The following KLF12 variants were observed in gnomAD, a reference collection of about 807,000 sequenced individuals.
KLF12 encodes Krueppel-like factor 12.
Under a neutral mutation model 37.8 loss-of-function variants are expected in KLF12, and 9 were observed. The ratio of observed to expected loss-of-function variants is 0.24; its 90% CI spans 0.14 to 0.42. The LOEUF (loss-of-function observed/expected upper bound fraction) is 0.42, where lower values mean the gene tolerates loss of function less well. Among genes scored for constraint, KLF12 ranks in the 10% least tolerant of loss-of-function variants. KLF12 has a pLI of 1.00. For synonymous variants in KLF12, 208 were observed against 202.1 expected, an observed-to-expected ratio of 1.03 and a Z score of -0.25; for missense variants, 411 against 516.0, an observed-to-expected ratio of 0.80 and a Z score of 1.97.
chr13:74,060,484 TTGTGTGTG>T (rs60242793), intron 1 of KLF12, among the ~76,000 whole-genome samples: 11,297 of 108,500 alleles, frequency 0.1, 571 homozygotes, highest in South Asian at 0.18. Flanking sequence ...TACCTAGGTT[TTGTGTGTG>T]TGTGTGTGTG....
At chr13:73,965,339 A>C (rs1165952131) in intron 2 of KLF12, among the ~76,000 whole-genome samples, 1 of 152,228 alleles carries the variant, frequency 6.6e-6, no homozygotes, top group Non-Finnish European at 1.5e-5. Context: ...AAAATATTTT[A>C]ATGTCAAGTC....
the KLF12 span, among the ~76,000 whole-genome samples, chr13:74,152,157 G>T: frequency 6.6e-6 from 1 of 152,144 alleles, no homozygotes; most frequent in East Asian, 1.9e-4. Context: ...TAGCCTGAGA[G>T]ACCACCCAAC....
At chr13:74,011,723 A>C (rs1030163664) in intron 1 of KLF12, among the ~76,000 whole-genome samples, 8 of 152,212 alleles carry the variant, frequency 5.3e-5, no homozygotes, top group African/African-American at 1.7e-4. Context: ...GTATGGGAGG[A>C]TACACATAGG....
At chr13:74,042,629 G>A (rs951242061) in intron 1 of KLF12, among the ~76,000 whole-genome samples, 7 of 152,120 alleles carry the variant, frequency 4.6e-5, no homozygotes, top group African/African-American at 7.2e-5. Flanking sequence ...TTGACTCAAC[G>A]ACTTAATGGA....
At chr13:73,935,460 G>A (rs36073697) in intron 3 of KLF12, among the ~76,000 whole-genome samples, 81 of 151,966 alleles carry the variant, frequency 5.3e-4, no homozygotes, top group Non-Finnish European at 1.1e-3. Flanking sequence ...GTTAGAGGTG[G>A]GCCTAGGGAG....
chr13:73,907,387 G>C (rs1888351970), intron 3 of KLF12, among the ~76,000 whole-genome samples: 1 of 152,018 alleles, frequency 6.6e-6, no homozygotes, highest in Non-Finnish European at 1.5e-5. Flanking sequence ...TCCACATTTA[G>C]ACTATCCTAT....
At position 73,846,350 on chromosome 13, in the gene KLF12, G is replaced by C; in HGVS notation, c.147C>G (p.Pro49=). Residue 49 remains proline, a synonymous_variant, in exon 4 of 8, where the codon CCC becomes CCG. Coordinates refer to ENST00000377669, the MANE Select transcript of KLF12 (RefSeq NM_007249.5). ...GCAACAGGGGAACGGCTTCCATATC[G>C]GGATAGTTGTGGACGTTTGGAGACT... The C allele has an allele frequency of 6.2e-7, 1 of 1,613,210 alleles. No individual in the cohort carries two copies. Among genetic ancestry groups the C allele is most frequent in the Non-Finnish European group, 8.5e-7 (1 of 1,179,782 alleles).
At chr13:73,956,334 T>C (rs1329902504) in intron 2 of KLF12, among the ~76,000 whole-genome samples, 1 of 152,170 alleles carries the variant, frequency 6.6e-6, no homozygotes, top group African/African-American at 2.4e-5. Flanking sequence ...AGAGAGTATA[T>C]TTGAGGAAGT....
chr13:73,811,126 C>T (rs1485259200), intron 5 of KLF12, among the ~76,000 whole-genome samples: 1 of 150,866 alleles, frequency 6.6e-6, no homozygotes, highest in Non-Finnish European at 1.5e-5. Flanking sequence ...ACTGGGATTA[C>T]AGGCACCCAC....
intron 6 of KLF12, among the ~76,000 whole-genome samples, chr13:73,763,022 C>T (rs1011657317): frequency 1.3e-5 from 2 of 152,278 alleles, no homozygotes; most frequent in South Asian, 4.1e-4. Flanking sequence ...TCTTTCTATG[C>T]GTGCATCAAT....
intron 4 of KLF12, among the ~76,000 whole-genome samples, chr13:73,834,914 T>C (rs759338210): frequency 2.0e-5 from 3 of 152,226 alleles, no homozygotes; most frequent in Non-Finnish European, 4.4e-5. Flanking sequence ...CAAGTTGCCA[T>C]ATATACGCTT....
At chr13:73,780,408 T>C (rs1183351050) in intron 5 of KLF12, among the ~76,000 whole-genome samples, 1 of 151,794 alleles carries the variant, frequency 6.6e-6, no homozygotes, top group Non-Finnish European at 1.5e-5. Flanking sequence ...TTCCCCCGAG[T>C]CCCCAAGTCT....
At chr13:74,130,662 C>T (rs1211716900) in intron 1 of KLF12, among the ~76,000 whole-genome samples, 2 of 148,540 alleles carry the variant, frequency 1.3e-5, no homozygotes, top group Non-Finnish European at 3.0e-5. Flanking sequence ...AAAAAAAAAG[C>T]TGTTTTCTAA....
At chr13:73,928,892 G>A (rs943045526) in intron 3 of KLF12, among the ~76,000 whole-genome samples, 13 of 152,252 alleles carry the variant, frequency 8.5e-5, no homozygotes, top group African/African-American at 2.6e-4. Flanking sequence ...TAATATAAGT[G>A]CCCAAGCACA....
the KLF12 span, among the ~76,000 whole-genome samples, chr13:74,187,122 T>C: frequency 0.11 from 16,109 of 152,134 alleles, 906 homozygotes; most frequent in South Asian, 0.15. Context: ...TGGTTAAGAT[T>C]GCAGACAACA....
At chr13:74,090,384 C>T (rs1209091052) in intron 1 of KLF12, among the ~76,000 whole-genome samples, 3 of 152,064 alleles carry the variant, frequency 2.0e-5, no homozygotes, top group Admixed American at 1.3e-4. Context: ...ACATGCATAA[C>T]CTCTTTCATT....
At chr13:74,169,256 A>G in the KLF12 span, among the ~76,000 whole-genome samples, 1 of 152,224 alleles carries the variant, frequency 6.6e-6, no homozygotes, top group Non-Finnish European at 1.5e-5. Context: ...TGGCTGCAAG[A>G]GTTCTGTTCA....
the KLF12 span, among the ~76,000 whole-genome samples, chr13:74,204,909 C>G: frequency 6.6e-6 from 1 of 152,112 alleles, no homozygotes; most frequent in South Asian, 2.1e-4. Context: ...AATGTCAGAT[C>G]TCAAGACTTT....
chr13:74,173,183 A>C, the KLF12 span, among the ~76,000 whole-genome samples: 1 of 152,212 alleles, frequency 6.6e-6, no homozygotes, highest in Admixed American at 6.5e-5. Flanking sequence ...AATGATTGAC[A>C]ATCATCACTG....
Sources: gnomAD v4.1 joint callset for allele counts (sites outside exome capture counted in the v4.1 genomes callset) on GRCh38, gnomAD v4.1.1 for gene constraint, MANE v1.5 for transcripts, NCBI Gene and HGNC (gene_info 2026-07-23, HGNC 2026-07-21) for gene names.